The following STOX2 variants were observed in gnomAD, a reference collection of about 807,000 sequenced individuals.
The protein encoded by STOX2 is storkhead box 2.
STOX2 carries 28 observed loss-of-function variants against 60.9 expected under a neutral mutation model. That is an observed-to-expected ratio of 0.46 (90% CI 0.34 to 0.63). The LOEUF (loss-of-function observed/expected upper bound fraction) is 0.63. Among genes scored for constraint, STOX2 ranks in the 30% least tolerant of loss-of-function variants. The pLI, the probability that STOX2 is intolerant of heterozygous loss-of-function variation, is 0.01. For missense variants in STOX2, 1,024 were observed against 1,187.7 expected, an observed-to-expected ratio of 0.86 and a Z score of 2.03; for synonymous variants, 472 against 463.9, an observed-to-expected ratio of 1.02 and a Z score of -0.22.
intron 1 of STOX2, among the ~76,000 whole-genome samples, chr4:183,917,275 A>T (rs1192961081): frequency 6.6e-6 from 1 of 152,232 alleles, no homozygotes; most frequent in African/African-American, 2.4e-5. Flanking sequence ...TGGATCGGTA[A>T]TCGTGACCCA....
At chr4:183,893,914 G>A (rs1741284286) in intron 1 of STOX2, among the ~76,000 whole-genome samples, 1 of 152,228 alleles carries the variant, frequency 6.6e-6, no homozygotes, top group African/African-American at 2.4e-5. Flanking sequence ...GGCTCTGGGA[G>A]GCCAAGTCAG....
At chr4:183,929,455 G>A (rs1742346440) in intron 1 of STOX2, among the ~76,000 whole-genome samples, 1 of 152,310 alleles carries the variant, frequency 6.6e-6, no homozygotes, top group African/African-American at 2.4e-5. Context: ...CGTGTAGTAT[G>A]TTGGGTCATT....
intron 1 of STOX2, among the ~76,000 whole-genome samples, chr4:183,868,049 G>C: frequency 6.6e-6 from 1 of 151,842 alleles, no homozygotes; most frequent in Non-Finnish European, 1.5e-5. Flanking sequence ...GTGTGTTCTG[G>C]ATCTGGGGCT....
intron 1 of STOX2, among the ~76,000 whole-genome samples, chr4:183,968,343 TACAC>T (rs60432446): frequency 0.015 from 2,244 of 145,578 alleles, 32 homozygotes; most frequent in African/African-American, 0.04. Flanking sequence ...TGCATATACC[TACAC>T]ACACACACAC....
intron 1 of STOX2, among the ~76,000 whole-genome samples, chr4:183,815,807 A>G (rs1739141280): frequency 6.6e-6 from 1 of 152,260 alleles, no homozygotes; most frequent in African/African-American, 2.4e-5. Context: ...GATACCTTAA[A>G]TAAGGTATAA....
At position 183,989,169 on chromosome 4, in the gene STOX2, GTTTTT is replaced by G. The variant is rs11421201; in HGVS notation, c.167-12136_167-12132del. Among the ~76,000 whole-genome samples, 124 of 80,034 alleles carry G rather than the reference GTTTTT, an allele frequency of 1.5e-3. 1 individual carries two copies. The East Asian group carries it at 0.02, about 13-fold the overall frequency. The allele number at this position is 80,034 out of a possible 152,430, so 52.5% of individuals were successfully genotyped here. A position where few individuals can be genotyped will look rare whatever the true frequency, so the allele number is the denominator to read the frequency against. On this transcript the variant is annotated intron_variant, in intron 1 of 3. Coordinates refer to ENST00000308497, the MANE Select transcript of STOX2 (RefSeq NM_020225.3). Reference sequence around the variant, plus strand: ...TAAATAGTATTTGACATTTTTTCTGGTTTTTTTTTTTTTTTTTTTTTTTTGTTTGT... The same window carrying G: ...TAAATAGTATTTGACATTTTTTCTGGTTTTTTTTTTTTTTTTTTTGTTTGT...
At chr4:183,924,425 C>A (rs567825674) in intron 1 of STOX2, among the ~76,000 whole-genome samples, 1 of 152,142 alleles carries the variant, frequency 6.6e-6, no homozygotes, top group South Asian at 2.1e-4. Flanking sequence ...CTTGGAGGGG[C>A]AGGCAGCCCA....
intron 1 of STOX2, among the ~76,000 whole-genome samples, chr4:183,890,952 T>A (rs1340457470): frequency 6.6e-6 from 1 of 151,796 alleles, no homozygotes; most frequent in Non-Finnish European, 1.5e-5. Flanking sequence ...TACAAAAAAA[T>A]TTTAAAAAAT....
chr4:183,868,777 G>A (rs1026697085), intron 1 of STOX2, among the ~76,000 whole-genome samples: 14 of 152,186 alleles, frequency 9.2e-5, no homozygotes, highest in African/African-American at 3.4e-4. Context: ...AACCTCAAAT[G>A]GGTGGAAATA....
At chr4:183,909,169 T>G (rs7689460) in intron 1 of STOX2, among the ~76,000 whole-genome samples, 55,729 of 151,988 alleles carry the variant, frequency 0.37, 10,421 homozygotes, top group East Asian at 0.45. Context: ...GGGAAGGATG[T>G]GTATCTTCAT....
At chr4:183,802,972 A>G (rs1738802731) in intron 1 of STOX2, among the ~76,000 whole-genome samples, 1 of 152,278 alleles carries the variant, frequency 6.6e-6, no homozygotes, top group East Asian at 1.9e-4. Context: ...AGACTGGGCA[A>G]TTTACAAAGG....
intron 1 of STOX2, among the ~76,000 whole-genome samples, chr4:183,948,234 A>AAC (rs1397262493): frequency 6.0e-5 from 9 of 150,632 alleles, no homozygotes; most frequent in Non-Finnish European, 1.2e-4. Flanking sequence ...AAAAAAAAAA[A>AAC]AAAAAAAAAA....
intron 1 of STOX2, among the ~76,000 whole-genome samples, chr4:183,950,687 C>CG (rs397707737): frequency 1.3e-5 from 2 of 151,376 alleles, no homozygotes; most frequent in Admixed American, 6.6e-5. Flanking sequence ...GCCGGGGAGC[C>CG]ACAGAACTCA....
intron 1 of STOX2, among the ~76,000 whole-genome samples, chr4:183,977,309 T>A (rs1180738891): frequency 6.6e-6 from 1 of 152,170 alleles, no homozygotes; most frequent in Non-Finnish European, 1.5e-5. Context: ...CTGAGCCTAA[T>A]GTTAAAATGT....
intron 1 of STOX2, among the ~76,000 whole-genome samples, chr4:183,898,217 T>G (rs2111070585): frequency 6.6e-6 from 1 of 152,246 alleles, no homozygotes; most frequent in South Asian, 2.1e-4. Flanking sequence ...ATAGGAAGGC[T>G]GTAGAAACAC....
At chr4:183,943,653 C>A (rs1742808580) in intron 1 of STOX2, among the ~76,000 whole-genome samples, 1 of 152,146 alleles carries the variant, frequency 6.6e-6, no homozygotes, top group African/African-American at 2.4e-5. Context: ...CCAAGGCAGG[C>A]AAATCACGAG....
At chr4:183,820,865 T>G (rs1312579622) in intron 1 of STOX2, among the ~76,000 whole-genome samples, 4 of 151,906 alleles carry the variant, frequency 2.6e-5, no homozygotes, top group African/African-American at 9.7e-5. Context: ...GTCCCAGCAC[T>G]GTGGTAGGCC....
At chr4:183,941,958 A>G (rs943569592) in intron 1 of STOX2, among the ~76,000 whole-genome samples, 3 of 152,228 alleles carry the variant, frequency 2.0e-5, no homozygotes, top group Admixed American at 6.5e-5. Flanking sequence ...TAGAGGGCAC[A>G]TGTGTTGAAG....
At chr4:183,862,018 C>T (rs552276244) in intron 1 of STOX2, among the ~76,000 whole-genome samples, 6 of 152,322 alleles carry the variant, frequency 3.9e-5, no homozygotes, top group African/African-American at 1.4e-4. Context: ...ACTTCTAACA[C>T]TCAACAGATA....
Sources: gnomAD v4.1 joint callset for allele counts (sites outside exome capture counted in the v4.1 genomes callset) on GRCh38, gnomAD v4.1.1 for gene constraint, MANE v1.5 for transcripts, NCBI Gene and HGNC (gene_info 2026-07-23, HGNC 2026-07-21) for gene names.